The following ABCC3 variants were observed in gnomAD, a reference collection of about 807,000 sequenced individuals.
The protein encoded by ABCC3 is ATP binding cassette subfamily C member 3.
Under a neutral mutation model 165.3 loss-of-function variants are expected in ABCC3, and 121 were observed. The observed-to-expected ratio is 0.73, with a 90% CI of 0.63 to 0.85. The LOEUF (loss-of-function observed/expected upper bound fraction) is 0.85. Among genes scored for constraint, ABCC3 ranks in the 40% least tolerant of loss-of-function variants. The pLI, the probability that ABCC3 is intolerant of heterozygous loss-of-function variation, is 0.00. For missense variants in ABCC3, 1,869 were observed against 1,964.1 expected (o/e 0.95, Z 0.92); for synonymous variants, 733 against 810.1 (o/e 0.90, Z 1.62).
intron 8 of ABCC3, among the ~76,000 whole-genome samples, chr17:50,662,637 CAAAAA>C (rs60389534): frequency 4.0e-5 from 3 of 74,900 alleles, no homozygotes; most frequent in East Asian, 4.0e-4. Context: ...GACCCTGTCT[CAAAAA>C]AAAAAAAAAA....
In ABCC3 at chr17:50,634,951, C is replaced by T. The variant is rs1293320066; in HGVS notation, c.15C>T (p.Cys5=). The T allele has an allele frequency of 2.4e-6, 3 of 1,261,104 alleles. No homozygotes were observed. Among genetic ancestry groups the T allele is most frequent in the African/African-American group, 1.5e-5 (1 of 65,108 alleles). 78.1% of individuals were successfully genotyped at this position (1,261,104 alleles called of 1,614,324 possible). A position where few individuals can be genotyped will look rare whatever the true frequency, so the allele number is the denominator to read the frequency against. Residue 5 remains cysteine (C), a synonymous_variant, in exon 1 of 31, where the codon TGC becomes TGT. Transcript: ENST00000285238. MDAL[C]GSGELGSKFW... ...GCCTCGGCCCCATGGACGCCCTGTG[C>T]GGTTCCGGGGAGCTCGGCTCCAAGT...
chr17:50,675,450 C>T lies in ABCC3; in HGVS notation c.2688C>T (p.Thr896=), dbSNP rs1347540359. 3 of 1,613,902 alleles carry T rather than the reference C, an allele frequency of 1.9e-6. No individual in the cohort carries two copies. In the Admixed American group the frequency reaches 5.0e-5, roughly 27 times the overall value. The stretch of plus-strand genomic sequence containing the variant: ...ATCTGACAGACAATGATCCAGTCAC[C>T]TATGTGGTCCAGAAGCAGTTTATGA... ...HTDLTDNDPV[T]YVVQKQFMRQ... The change falls in exon 20 of 31, where the codon ACC becomes ACT. Residue 896 remains threonine, a synonymous_variant. Transcript: ENST00000285238.
rs376090776 is a variant in ABCC3, at chr17:50,684,680, C to T, written c.4114-29C>T. 1.2e-5 allele frequency: 19 copies of T among 1,605,644 alleles called. No homozygotes were observed. The African/African-American group carries it at 2.4e-4, about 20-fold the overall frequency. ...TGGCTCCTCATAGGGCCTAAGCTGC[C>T]TCCCTCTGAGGCCACGTTGTATCCC... On this transcript the variant is annotated intron_variant, in intron 28 of 30. Transcript: ENST00000285238.
chr17:50,656,147 A>C (rs1451778361), intron 2 of ABCC3, 139 bp downstream of exon 2: 1 of 690,614 alleles, frequency 1.4e-6, no homozygotes, highest in African/African-American at 1.9e-5. Flanking sequence ...GTGCAGTGGC[A>C]TGATCTTGGC....
At chr17:50,661,184 G>C (rs901453477) in intron 8 of ABCC3, 70 bp downstream of exon 8, 1 of 1,461,740 alleles carries the variant, frequency 6.8e-7, no homozygotes, top group Non-Finnish European at 9.2e-7. Flanking sequence ...CCCAGAGGAA[G>C]GAACAACGTA....
intron 27 of ABCC3, 44 bp downstream of exon 27, chr17:50,683,800 A>G (rs1257330244): frequency 1.9e-6 from 3 of 1,580,102 alleles, no homozygotes; most frequent in African/African-American, 2.7e-5. Context: ...TCATGCCTGC[A>G]GACATGGCCA....
At chr17:50,661,234 C>T in intron 8 of ABCC3, 120 bp downstream of exon 8, 1 of 1,079,716 alleles carries the variant, frequency 9.3e-7, no homozygotes, top group Non-Finnish European at 1.3e-6. Flanking sequence ...GGGAGGCTAG[C>T]TCCACTTTCT....
At position 50,676,129 on chromosome 17, in the gene ABCC3, CCTT is replaced by C. The variant is rs1967799797; in HGVS notation, c.3067+45_3067+47del. 1.9e-6 allele frequency: 3 copies of C among 1,611,186 alleles called. No homozygotes were observed. The Admixed American group carries it at 5.0e-5, about 27-fold the overall frequency. The stretch of plus-strand genomic sequence containing the variant: ...GGTGTCCAGAAGGGGCTCCAATATC[CCTT>C]CTTCTCTGGGCTGCCAGGCCCCCCA... On this transcript the variant is annotated intron_variant, in intron 22 of 30. Transcript: ENST00000285238.
intron 1 of ABCC3, among the ~76,000 whole-genome samples, chr17:50,644,374 C>G (rs936193390): frequency 4.8e-5 from 7 of 146,878 alleles, no homozygotes; most frequent in African/African-American, 1.8e-4. Flanking sequence ...GGAAAGGAAG[C>G]AGGGAGTGCA....
chr17:50,646,525 G>A (rs1341150652), intron 1 of ABCC3, among the ~76,000 whole-genome samples: 1 of 152,224 alleles, frequency 6.6e-6, no homozygotes, highest in Non-Finnish European at 1.5e-5. Flanking sequence ...GAGACTGCAT[G>A]GGATTGCCAA....
rs1056864619 is a variant in ABCC3 at position 50,660,836 on chromosome 17, T to C, written c.807-87T>C. ...CAAGAAAACAGCTCCTTCCTCCTCC[T>C]CACTCCTAGCCAGCCCAGCCTAGCC... On this transcript the variant is annotated intron_variant, in intron 7 of 30. Coordinates refer to ENST00000285238, the MANE Select transcript of ABCC3 (RefSeq NM_003786.4). The C allele has an allele frequency of 1.3e-5, 15 of 1,171,862 alleles. No homozygotes were observed. In the South Asian group the frequency reaches 2.2e-4, roughly 18 times the overall value. 72.6% of individuals were successfully genotyped at this position (1,171,862 alleles called of 1,614,324 possible). A position where few individuals can be genotyped will look rare whatever the true frequency, so the allele number is the denominator to read the frequency against.
intron 7 of ABCC3, among the ~76,000 whole-genome samples, chr17:50,660,212 C>G (rs1967345123): frequency 6.6e-6 from 1 of 152,144 alleles, no homozygotes; most frequent in Admixed American, 6.5e-5. Context: ...GAGGCGGCGG[C>G]TGAATGAGAT....
chr17:50,641,973 A>G (rs1024349928), intron 1 of ABCC3, among the ~76,000 whole-genome samples: 2 of 151,794 alleles, frequency 1.3e-5, no homozygotes, highest in African/African-American at 4.8e-5. Flanking sequence ...CTTGAGCCCA[A>G]GAGGTCAAGA....
intron 30 of ABCC3, among the ~76,000 whole-genome samples, chr17:50,688,110 A>G (rs1968056992): frequency 2.0e-5 from 3 of 151,930 alleles, no homozygotes; most frequent in South Asian, 2.1e-4. Context: ...CGGTTTCACC[A>G]TGTTGGCCAG....
chr17:50,656,686 T>C lies in ABCC3; in HGVS notation c.223-16T>C. 1 of 1,605,432 alleles carries C rather than the reference T, an allele frequency of 6.2e-7. No individual in the cohort carries two copies. The highest frequency in any genetic ancestry group is 8.5e-7 in the Non-Finnish European group (1 of 1,176,416). On this transcript the variant is annotated splice_polypyrimidine_tract_variant and intron_variant, in intron 2 of 30. Transcript: ENST00000285238. The stretch of plus-strand genomic sequence containing the variant: ...GCCTCTGGGGATGCGGATTCCAACC[T>C]GTGCTCTCTTCGCAGGTCCTGGGTG...
intron 19 of ABCC3, among the ~76,000 whole-genome samples, chr17:50,673,978 TTCTCTCTCTCTCTCTC>T (rs1281173726): frequency 1.1e-4 from 1 of 9,010 alleles, no homozygotes; most frequent in African/African-American, 4.5e-4. Flanking sequence ...CTTTCTTTCT[TTCTCTCTCTCTCTCTC>T]TCTCTCTCTC....
At chr17:50,652,896 T>C (rs1210478646) in intron 1 of ABCC3, among the ~76,000 whole-genome samples, 1 of 152,214 alleles carries the variant, frequency 6.6e-6, no homozygotes. Context: ...TCCTGAAGCT[T>C]GGAATCTGAG....
intron 1 of ABCC3, among the ~76,000 whole-genome samples, chr17:50,645,371 CAAAAAAAAAAAAAAAAAAA>C (rs141598761): frequency 2.1e-5 from 1 of 46,848 alleles, no homozygotes; most frequent in African/African-American, 9.0e-5. Flanking sequence ...AAGATTCCAT[CAAAAAAAAAAAAAAAAAAA>C]AAAAAAAAAG....
chr17:50,673,983 TCTCTCTCTCTCTCTCTCTCTCTCTCTCTC>T (rs1967729365), intron 19 of ABCC3, among the ~76,000 whole-genome samples: 1 of 4,952 alleles, frequency 2.0e-4, no homozygotes, highest in Non-Finnish European at 3.7e-4. Context: ...TTTCTTTCTC[TCTCTCTCTCTCTCTCTCTCTCTCTCTCTC>T]TCTCTCTCTC....
Sources: gnomAD v4.1 joint callset for allele counts (sites outside exome capture counted in the v4.1 genomes callset) on GRCh38, gnomAD v4.1.1 for gene constraint, MANE v1.5 for transcripts, NCBI Gene and HGNC (gene_info 2026-07-23, HGNC 2026-07-21) for gene names.